CAMTA1: variants seen among roughly 807,000 people sequenced by gnomAD.
The protein encoded by CAMTA1 is calmodulin binding transcription activator 1.
In CAMTA1, 27 loss-of-function variants were observed where a neutral mutation model predicts 170.9. That is an observed-to-expected ratio of 0.16 (90% CI 0.12 to 0.22). The LOEUF (loss-of-function observed/expected upper bound fraction) is 0.22, where lower values mean the gene tolerates loss of function less well. CAMTA1 is among the 10% of genes least tolerant of loss of function. CAMTA1 has a pLI of 1.00. For synonymous variants in CAMTA1, 833 were observed against 891.5 expected (o/e 0.93, Z 1.17); for missense variants, 1,619 against 2,217.2 (o/e 0.73, Z 5.42).
chr1:7,118,138 TG>T (rs1644441190), intron 4 of CAMTA1, among the ~76,000 whole-genome samples: 1 of 152,054 alleles, frequency 6.6e-6, no homozygotes, highest in Non-Finnish European at 1.5e-5. Context: ...TCTCTATTGA[TG>T]GGTACAGCCA....
At chr1:7,751,457 G>A in intron 20 of CAMTA1, 65 bp downstream of exon 20, 3 of 1,405,910 alleles carry the variant, frequency 2.1e-6, no homozygotes, top group Non-Finnish European at 2.9e-6. Context: ...TTCTTTGAAA[G>A]ACTTGTCCTG....
chr1:7,081,590 A>T (rs1640017060), intron 3 of CAMTA1, among the ~76,000 whole-genome samples: 1 of 152,196 alleles, frequency 6.6e-6, no homozygotes, highest in African/African-American at 2.4e-5. Context: ...CTTACAGTGC[A>T]CCCAGTTTCC....
intron 6 of CAMTA1, among the ~76,000 whole-genome samples, chr1:7,494,838 C>T (rs1191846743): frequency 6.6e-6 from 1 of 152,140 alleles, no homozygotes; most frequent in African/African-American, 2.4e-5. Flanking sequence ...GCCAAGAGGT[C>T]TGGTCCAGAT....
At chr1:7,168,548 G>A (rs1469926539) in intron 4 of CAMTA1, among the ~76,000 whole-genome samples, 3 of 152,048 alleles carry the variant, frequency 2.0e-5, no homozygotes, top group Non-Finnish European at 4.4e-5. Context: ...GATTACAGGC[G>A]TGCACCACCA....
At chr1:7,409,853 T>A (rs2090583164) in intron 5 of CAMTA1, among the ~76,000 whole-genome samples, 2 of 152,222 alleles carry the variant, frequency 1.3e-5, no homozygotes, top group Admixed American at 1.3e-4. Context: ...CAAGTTCTTT[T>A]GGAATCGGAC....
intron 6 of CAMTA1, among the ~76,000 whole-genome samples, chr1:7,475,598 G>T (rs2093407835): frequency 2.0e-5 from 3 of 152,216 alleles, no homozygotes; most frequent in Non-Finnish European, 4.4e-5. Context: ...TGGGGACGTG[G>T]CTGATGCCGA....
chr1:7,130,126 A>C (rs976164970), intron 4 of CAMTA1, among the ~76,000 whole-genome samples: 7 of 151,984 alleles, frequency 4.6e-5, no homozygotes, highest in Non-Finnish European at 7.4e-5. Flanking sequence ...TTTAGTAGAG[A>C]CGGGGTTTCA....
intron 22 of CAMTA1, among the ~76,000 whole-genome samples, chr1:7,760,676 CCT>C (rs897746450): frequency 3.9e-5 from 6 of 152,260 alleles, no homozygotes; most frequent in Admixed American, 3.9e-4. Flanking sequence ...TCTTATTGGG[CCT>C]CTCTGTCTTT....
chr1:7,049,932 C>T (rs1395412036), intron 3 of CAMTA1, among the ~76,000 whole-genome samples: 2 of 152,078 alleles, frequency 1.3e-5, no homozygotes, highest in African/African-American at 2.4e-5. Flanking sequence ...AGGAGGGCAT[C>T]GGGGGATCCT....
At chr1:7,444,591 C>T (rs1405860231) in intron 5 of CAMTA1, among the ~76,000 whole-genome samples, 3 of 152,234 alleles carry the variant, frequency 2.0e-5, no homozygotes, top group Non-Finnish European at 2.9e-5. Flanking sequence ...CCCTGAGCCA[C>T]GGCAAGGTCT....
rs1400549558 is a variant in CAMTA1, at chr1:6,887,585, A to G, written c.234+62375A>G. On this transcript the variant is annotated intron_variant, in intron 3 of 22. Coordinates refer to ENST00000303635, the MANE Select transcript of CAMTA1 (RefSeq NM_015215.4). The surrounding 1 kb of genome is among the most constrained non-coding windows in gnomAD (Gnocchi z 4.1). ...TCTCTCTGCCTCTGGAAATGGGGCA[A>G]ATTTTTCTTCAGTTAAAAACAGAAA... The G allele has an allele frequency of 2.0e-6, 3 of 1,523,168 alleles. No homozygotes were observed. The highest frequency in any genetic ancestry group is 2.6e-6 in the Non-Finnish European group (3 of 1,140,556). 94.4% of individuals were successfully genotyped at this position (1,523,168 alleles called of 1,614,324 possible).
At chr1:6,881,679 C>A (rs1312506352) in intron 3 of CAMTA1, among the ~76,000 whole-genome samples, 1 of 152,120 alleles carries the variant, frequency 6.6e-6, no homozygotes, top group Non-Finnish European at 1.5e-5. Flanking sequence ...CAGAAAGGAT[C>A]ATTCTGGGCT....
chr1:7,460,452 GC>G (rs2093056695), intron 5 of CAMTA1, among the ~76,000 whole-genome samples: 1 of 152,170 alleles, frequency 6.6e-6, no homozygotes. Context: ...ACTGGGGGAG[GC>G]TGGAGGACAA....
intron 3 of CAMTA1, among the ~76,000 whole-genome samples, chr1:6,905,971 C>A (rs1409799988): frequency 6.6e-6 from 1 of 152,200 alleles, no homozygotes; most frequent in East Asian, 1.9e-4. Flanking sequence ...TCTGCTCCTT[C>A]AGATAGATGT....
At chr1:7,231,194 G>A (rs1662734791) in intron 4 of CAMTA1, among the ~76,000 whole-genome samples, 1 of 152,158 alleles carries the variant, frequency 6.6e-6, no homozygotes, top group African/African-American at 2.4e-5. Context: ...CCTGAAGCTT[G>A]GAAATAGCCT....
chr1:7,350,531 G>A (rs78018170), intron 5 of CAMTA1, among the ~76,000 whole-genome samples: 2,209 of 152,292 alleles, frequency 0.015, 56 homozygotes, highest in African/African-American at 0.05. Context: ...GAAGCCAGCC[G>A]TGTGGCCTTT....
At chr1:7,387,833 A>G (rs1371413167) in intron 5 of CAMTA1, among the ~76,000 whole-genome samples, 1 of 152,248 alleles carries the variant, frequency 6.6e-6, no homozygotes, top group Non-Finnish European at 1.5e-5. Flanking sequence ...TCTTCTTGCC[A>G]CATTGTCTGC....
At chr1:6,962,968 C>T (rs2149531842) in intron 3 of CAMTA1, among the ~76,000 whole-genome samples, 1 of 150,146 alleles carries the variant, frequency 6.7e-6, no homozygotes. Context: ...TCATTTGGCC[C>T]CTTTCACCCG....
intron 6 of CAMTA1, among the ~76,000 whole-genome samples, chr1:7,526,485 A>G (rs1375027180): frequency 6.6e-6 from 1 of 152,036 alleles, no homozygotes; most frequent in East Asian, 1.9e-4. Flanking sequence ...AGGTCTGTCC[A>G]GGCCGTGGAT....
Sources: gnomAD v4.1 joint callset for allele counts (sites outside exome capture counted in the v4.1 genomes callset) on GRCh38, gnomAD v4.1.1 for gene constraint, Gnocchi (gnomAD v3.1) non-coding constraint, MANE v1.5 for transcripts, NCBI Gene and HGNC (gene_info 2026-07-23, HGNC 2026-07-21) for gene names.